The following MYO1H variants were observed in gnomAD, a reference collection of about 807,000 sequenced individuals.
MYO1H encodes unconventional myosin-Ih.
In MYO1H, 118 loss-of-function variants were observed where a neutral mutation model predicts 149.3. The ratio of observed to expected loss-of-function variants is 0.79; its 90% confidence interval spans 0.68 to 0.92. The LOEUF (loss-of-function observed/expected upper bound fraction) is 0.92, where lower values mean the gene tolerates loss of function less well. Among genes scored for constraint, MYO1H ranks in the 40% least tolerant of loss-of-function variants. MYO1H has a pLI of 0.00. For synonymous variants in MYO1H, 447 were observed against 465.2 expected (o/e 0.96, Z 0.50); for missense variants, 1,212 against 1,280.7 (o/e 0.95, Z 0.82).
In MYO1H at chr12:109,404,149, T is replaced by G. The variant is rs978743626; in HGVS notation, c.849+69T>G. ...AGGAAACATTCCTAATTTCTTGGTG[T>G]TTGCAGAATACAGTGGCCAAATTCA... On this transcript the variant is annotated intron_variant, in intron 7 of 31. Coordinates refer to ENST00000310903, the Ensembl canonical transcript of MYO1H. The G allele has an allele frequency of 2.4e-6, 3 of 1,234,546 alleles. No homozygotes were observed. In the African/African-American group the frequency reaches 4.5e-5, roughly 18 times the overall value. The allele number at this position is 1,234,546 out of a possible 1,614,324, so 76.5% of individuals were successfully genotyped here.
intron 19 of MYO1H, among the ~76,000 whole-genome samples, chr12:109,431,145 C>T (rs746254951): frequency 2.6e-5 from 4 of 151,822 alleles, no homozygotes; most frequent in East Asian, 1.9e-4. Flanking sequence ...TTTGGGAGGC[C>T]GAAGTGGGTG....
At chr12:109,318,090 A>G in the MYO1H span, among the ~76,000 whole-genome samples, 1 of 152,370 alleles carries the variant, frequency 6.6e-6, no homozygotes, top group African/African-American at 2.4e-5. Flanking sequence ...TTGTTGGTAC[A>G]TAGCTTAAAA....
exon 32 of MYO1H, chr12:109,448,303 C>G (rs1872575217): frequency 6.6e-6 from 1 of 152,192 alleles, no homozygotes; most frequent in Non-Finnish European, 1.5e-5. Context: ...TGGTCTGAGA[C>G]TAAGTAAAGG....
At chr12:109,406,423 G>A (rs1224185720) in intron 8 of MYO1H, among the ~76,000 whole-genome samples, 3 of 131,108 alleles carry the variant, frequency 2.3e-5, no homozygotes, top group African/African-American at 8.4e-5. Flanking sequence ...CCATGATCAT[G>A]CCACTGCACT....
the MYO1H span, among the ~76,000 whole-genome samples, chr12:109,321,043 GTGCCACTGCACTCCAGCC>G: frequency 6.6e-6 from 1 of 151,878 alleles, no homozygotes; most frequent in Non-Finnish European, 1.5e-5. Flanking sequence ...AGCCAAGATC[GTGCCACTGCACTCCAGCC>G]TGGGCGACAG....
chr12:109,356,887 AAC>A (rs1324727448), intron 1 of MYO1H, among the ~76,000 whole-genome samples: 1 of 152,226 alleles, frequency 6.6e-6, no homozygotes, highest in Non-Finnish European at 1.5e-5. Flanking sequence ...GGGTAAATCA[AAC>A]ACATAAAAAC....
chr12:109,312,797 T>A, the MYO1H span, among the ~76,000 whole-genome samples: 2 of 151,882 alleles, frequency 1.3e-5, no homozygotes, highest in African/African-American at 4.8e-5. Context: ...TTTGTTTTTT[T>A]TTTTTTTAAC....
intron 1 of MYO1H, among the ~76,000 whole-genome samples, chr12:109,378,964 TG>T (rs1822612096): frequency 6.6e-6 from 1 of 152,234 alleles, no homozygotes; most frequent in African/African-American, 2.4e-5. Context: ...ATTTAGGTGA[TG>T]GTATACTACA....
chr12:109,417,379 G>A (rs1003590876), intron 15 of MYO1H, among the ~76,000 whole-genome samples: 7 of 152,032 alleles, frequency 4.6e-5, no homozygotes, highest in African/African-American at 1.7e-4. Context: ...CCAGGCTGGC[G>A]TGCAGTGGCA....
At chr12:109,405,055 T>A (rs567232220) in intron 7 of MYO1H, among the ~76,000 whole-genome samples, 46 of 151,712 alleles carry the variant, frequency 3.0e-4, no homozygotes, top group Admixed American at 2.6e-3. Flanking sequence ...TACAAAAAAA[T>A]TTTAAAAATT....
At chr12:109,425,629 A>C (rs1871325194) in intron 17 of MYO1H, among the ~76,000 whole-genome samples, 1 of 152,162 alleles carries the variant, frequency 6.6e-6, no homozygotes, top group Non-Finnish European at 1.5e-5. Flanking sequence ...AAGAAACACA[A>C]AGGAAGGTGG....
intron 1 of MYO1H, among the ~76,000 whole-genome samples, chr12:109,371,566 C>G (rs1295497305): frequency 1.3e-5 from 2 of 152,108 alleles, no homozygotes; most frequent in Admixed American, 1.3e-4. Context: ...TTCTATAGCT[C>G]TATGGTCTTT....
In MYO1H at chr12:109,443,650, G is replaced by GT. The variant is rs762097641; in HGVS notation, c.2824+2dup. ...AAAATAGAGTACTCAGCTCTCAAAG[G>GT]TAAGAAGTGGGCAATCTTTAAAACA... On this transcript the variant is annotated splice_donor_variant, in intron 28 of 31. Transcript: ENST00000310903. LOFTEE classifies it high-confidence loss of function. 1 of 1,613,596 alleles carries GT rather than the reference G, an allele frequency of 6.2e-7. No homozygotes were observed. The highest frequency in any genetic ancestry group is 1.1e-5 in the South Asian group (1 of 91,014).
chr12:109,387,470 C>A (rs1389606648), intron 1 of MYO1H, among the ~76,000 whole-genome samples: 1 of 152,176 alleles, frequency 6.6e-6, no homozygotes, highest in African/African-American at 2.4e-5. Context: ...CCAAATTCAC[C>A]CTTCATTACC....
intron 15 of MYO1H, among the ~76,000 whole-genome samples, chr12:109,420,457 A>T (rs566471608): frequency 1.3e-5 from 2 of 152,314 alleles, no homozygotes; most frequent in South Asian, 2.1e-4. Flanking sequence ...GCCTCAGGAA[A>T]CATACAATCA....
chr12:109,379,975 C>T (rs1869169175), intron 1 of MYO1H, among the ~76,000 whole-genome samples: 1 of 152,106 alleles, frequency 6.6e-6, no homozygotes, highest in Non-Finnish European at 1.5e-5. Flanking sequence ...TCGTGATCCG[C>T]CCACCTCAGC....
At chr12:109,409,646 C>T (rs1213272295) in intron 11 of MYO1H, 22 bp downstream of exon 11, 3 of 1,577,120 alleles carry the variant, frequency 1.9e-6, no homozygotes, top group South Asian at 2.2e-5. Flanking sequence ...CATTACCTAC[C>T]TATCTGTCTT....
At chr12:109,324,756 A>C in the MYO1H span, among the ~76,000 whole-genome samples, 1 of 151,114 alleles carries the variant, frequency 6.6e-6, no homozygotes, top group Admixed American at 6.6e-5. Flanking sequence ...CAGAATGTGC[A>C]GGTTTGTTAA....
At chr12:109,369,988 C>T (rs1454306220) in intron 1 of MYO1H, among the ~76,000 whole-genome samples, 1 of 152,170 alleles carries the variant, frequency 6.6e-6, no homozygotes, top group Non-Finnish European at 1.5e-5. Flanking sequence ...GGGAAACTCC[C>T]TTTTATAAAA....
Sources: allele counts gnomAD v4.1 joint callset (sites outside exome capture counted in the v4.1 genomes callset), GRCh38; gene constraint gnomAD v4.1.1; transcripts MANE v1.5; gene names NCBI Gene and HGNC (gene_info 2026-07-23, HGNC 2026-07-21).